SETBP1: variants seen among roughly 807,000 people sequenced by gnomAD.
The protein encoded by SETBP1 is SET-binding protein.
In SETBP1, 9 loss-of-function variants were observed where a neutral mutation model predicts 101.0. The ratio of observed to expected loss-of-function variants is 0.09; its 90% CI spans 0.05 to 0.16. SETBP1 has a LOEUF of 0.16. SETBP1 is among the 10% of genes least tolerant of loss of function. The pLI is 1.00. For missense variants in SETBP1, 1,858 were observed against 2,033.8 expected, an observed-to-expected ratio of 0.91 and a Z score of 1.66; for synonymous variants, 818 against 788.5, an observed-to-expected ratio of 1.04 and a Z score of -0.63.
chr18:44,773,834 G>C (rs1048345060), intron 2 of SETBP1, among the ~76,000 whole-genome samples: 2 of 134,948 alleles, frequency 1.5e-5, no homozygotes, highest in African/African-American at 5.9e-5. Context: ...GTCTCTCTCT[G>C]TTTATGTGTG....
chr18:44,791,584 A>G (rs908929629), intron 2 of SETBP1, among the ~76,000 whole-genome samples: 1 of 152,138 alleles, frequency 6.6e-6, no homozygotes, highest in Non-Finnish European at 1.5e-5. Context: ...CTGAATTTTC[A>G]GCATTTAGGA....
chr18:44,695,533 A>G (rs2069000165), intron 1 of SETBP1, among the ~76,000 whole-genome samples: 1 of 152,254 alleles, frequency 6.6e-6, no homozygotes, highest in Admixed American at 6.5e-5. Context: ...TTGAGGCAAA[A>G]AGTTCTAGCC....
intron 3 of SETBP1, among the ~76,000 whole-genome samples, chr18:44,901,598 G>C (rs1441931949): frequency 6.6e-6 from 1 of 152,142 alleles, no homozygotes; most frequent in Non-Finnish European, 1.5e-5. Flanking sequence ...CCCTCTGCCT[G>C]TAGCATTTAA....
intron 4 of SETBP1, among the ~76,000 whole-genome samples, chr18:45,017,585 G>C (rs1332654258): frequency 6.6e-6 from 1 of 152,232 alleles, no homozygotes; most frequent in Non-Finnish European, 1.5e-5. Flanking sequence ...AGACAAAGAG[G>C]TGGCTGTAAA....
At chr18:44,709,006 G>A (rs762985990) in intron 2 of SETBP1, among the ~76,000 whole-genome samples, 16 of 152,174 alleles carry the variant, frequency 1.1e-4, no homozygotes, top group Non-Finnish European at 2.2e-4. Context: ...GGTCAGAGTT[G>A]AGCTTAAAAT....
At position 45,063,389 on chromosome 18, in the gene SETBP1, G is replaced by A; in HGVS notation, c.4482G>A (p.Leu1494=). The A allele has an allele frequency of 6.4e-7, 1 of 1,551,192 alleles. No homozygotes were observed. Among genetic ancestry groups the A allele is most frequent in the Non-Finnish European group, 8.7e-7 (1 of 1,149,004 alleles). The change falls in exon 6 of 6, where the codon CTG becomes CTA. Residue 1494 remains leucine, a synonymous_variant. Transcript: ENST00000649279. The stretch of plus-strand genomic sequence containing the variant: ...GCCAGAAGCCCAGCCTGAGCCCGCT[G>A]GTGCTGGAGCCCGCCGCCAGCCAAG... ...KRGQKPSLSP[L]VLEPAASQDT... is the part of the protein sequence containing the mutation.
intron 2 of SETBP1, among the ~76,000 whole-genome samples, chr18:44,844,091 A>G (rs2072674625): frequency 6.6e-6 from 1 of 152,126 alleles, no homozygotes; most frequent in African/African-American, 2.4e-5. Flanking sequence ...TCTTTGCCTT[A>G]TAATACAGTT....
At chr18:44,714,413 G>C (rs975389171) in intron 2 of SETBP1, among the ~76,000 whole-genome samples, 1 of 152,168 alleles carries the variant, frequency 6.6e-6, no homozygotes, top group Non-Finnish European at 1.5e-5. Flanking sequence ...CGTTGGCCAG[G>C]CTGGTCTCAA....
intron 3 of SETBP1, among the ~76,000 whole-genome samples, chr18:44,887,415 G>A (rs2069673240): frequency 6.6e-6 from 1 of 152,078 alleles, no homozygotes; most frequent in South Asian, 2.1e-4. Context: ...CAGTTGCCTG[G>A]TTGGCACATT....
At chr18:44,830,761 A>G (rs1488018153) in intron 2 of SETBP1, among the ~76,000 whole-genome samples, 1 of 152,188 alleles carries the variant, frequency 6.6e-6, no homozygotes, top group African/African-American at 2.4e-5. Flanking sequence ...AGTTTTAAAC[A>G]TTCTGTTGCA....
At chr18:44,973,901 GGTTA>G (rs1568002797) in intron 4 of SETBP1, among the ~76,000 whole-genome samples, 1 of 152,118 alleles carries the variant, frequency 6.6e-6, no homozygotes, top group African/African-American at 2.4e-5. Flanking sequence ...GGGGAGTAGG[GGTTA>G]ATATTCTCTG....
At chr18:45,031,983 A>C (rs1217325556) in intron 4 of SETBP1, among the ~76,000 whole-genome samples, 1 of 152,150 alleles carries the variant, frequency 6.6e-6, no homozygotes, top group African/African-American at 2.4e-5. Context: ...TGCACAAAGA[A>C]ATGTAATTTC....
intron 4 of SETBP1, among the ~76,000 whole-genome samples, chr18:44,962,653 T>A (rs1599382312): frequency 6.6e-6 from 1 of 152,130 alleles, no homozygotes; most frequent in African/African-American, 2.4e-5. Context: ...AAACTAACTA[T>A]CAGTGAAATA....
chr18:44,755,724 C>G lies in SETBP1; in HGVS notation c.486+53892C>G, dbSNP rs193121028. Among the ~76,000 whole-genome samples, 24 of 152,228 alleles carry G rather than the reference C, an allele frequency of 1.6e-4. No individual in the cohort carries two copies. The East Asian group carries it at 4.3e-3, about 27-fold the overall frequency. Reference sequence around the variant, plus strand: ...TCTGGTTTTCCAGCTTGCAGACGATCTCTCTTGGGACTTTGTGTTTGTAAT... The same window carrying G: ...TCTGGTTTTCCAGCTTGCAGACGATGTCTCTTGGGACTTTGTGTTTGTAAT... On this transcript the variant is annotated intron_variant, in intron 2 of 5. Transcript: ENST00000649279.
At chr18:45,027,807 A>G (rs725832) in intron 4 of SETBP1, among the ~76,000 whole-genome samples, 3,335 of 152,238 alleles carry the variant, frequency 0.022, 113 homozygotes, top group African/African-American at 0.074. Context: ...TCAGTATTGG[A>G]GGACAGAAGT....
intron 2 of SETBP1, among the ~76,000 whole-genome samples, chr18:44,828,942 C>T (rs2072298824): frequency 6.6e-6 from 1 of 152,214 alleles, no homozygotes; most frequent in Admixed American, 6.5e-5. Flanking sequence ...CTTGGACTTT[C>T]CAGCCTTTAA....
At chr18:44,721,108 C>T (rs182714002) in intron 2 of SETBP1, among the ~76,000 whole-genome samples, 89 of 152,142 alleles carry the variant, frequency 5.8e-4, no homozygotes, top group African/African-American at 2.0e-3. Context: ...CCTTCTGGGA[C>T]GTGGAAAGGA....
chr18:44,933,913 C>G lies in SETBP1; in HGVS notation c.541-15968C>G, dbSNP rs561408501. ...TTATGCCTCCCAGGTGAGGCGATGC[C>G]CTGCCCTGCTCCATGGGCTGCACCC... On this transcript the variant is annotated intron_variant, in intron 3 of 5. Coordinates refer to ENST00000649279, the MANE Select transcript of SETBP1 (RefSeq NM_015559.3). 6.6e-5 allele frequency among the ~76,000 whole-genome samples: 10 copies of G among 152,232 alleles called. No individual in the cohort carries two copies. The South Asian group carries it at 1.9e-3, about 28-fold the overall frequency.
intron 5 of SETBP1, 125 bp from the exon 6 acceptor site, chr18:45,062,954 C>T (rs982600054): frequency 8.0e-7 from 1 of 1,254,416 alleles, no homozygotes; most frequent in Non-Finnish European, 1.1e-6. Flanking sequence ...GGCACGGAGA[C>T]ATACCCATAG....
Sources: allele counts gnomAD v4.1 joint callset (sites outside exome capture counted in the v4.1 genomes callset), GRCh38; gene constraint gnomAD v4.1.1; transcripts MANE v1.5; gene names NCBI Gene and HGNC (gene_info 2026-07-23, HGNC 2026-07-21).